Variants in IL1R1 observed in about 807,000 individuals in gnomAD.
IL1R1 encodes interleukin 1 receptor type 1, also known as interleukin-1 receptor type 1.
Under a neutral mutation model 50.2 loss-of-function variants are expected in IL1R1, and 22 were observed. The observed-to-expected ratio is 0.44, with a 90% confidence interval of 0.31 to 0.63. IL1R1 has a LOEUF of 0.63. Ranked by LOEUF, IL1R1 falls within the 20% of genes least tolerant of loss-of-function variation. The pLI is 0.07. For missense variants in IL1R1, 509 were observed against 676.2 expected (o/e 0.75, Z 2.74); for synonymous variants, 251 against 236.7 (o/e 1.06, Z -0.55).
chr2:102,123,022 A>G (rs1051334844), intron 1 of IL1R1, among the ~76,000 whole-genome samples: 3 of 152,220 alleles, frequency 2.0e-5, no homozygotes, highest in African/African-American at 7.2e-5. Flanking sequence ...AAATTGGTTT[A>G]CTTTAGTAAG....
At position 102,120,557 on chromosome 2, in the gene IL1R1, G is replaced by T. The variant is rs568669179; in HGVS notation, c.-84+15685G>T. 7.2e-5 allele frequency among the ~76,000 whole-genome samples: 11 copies of T among 152,308 alleles called. No homozygotes were observed. The South Asian group carries it at 2.3e-3, about 32-fold the overall frequency. On this transcript the variant is annotated intron_variant, in intron 1 of 10. Transcript: ENST00000409329. The stretch of plus-strand genomic sequence containing the variant: ...TCCTTAGGCACAGGGTCTGCGTTGT[G>T]TTCATTTTTCTGTCCTTCAGTGTCA...
At chr2:102,100,821 G>A (rs977612474), upstream of IL1R1, among the ~76,000 whole-genome samples, 7 of 152,100 alleles carry the variant, frequency 4.6e-5, no homozygotes, top group Non-Finnish European at 8.8e-5. Flanking sequence ...CATTCTCCCC[G>A]GAGGTTTGAT....
chr2:102,073,577 A>G (rs1314776455), intron 1 of IL1R1, among the ~76,000 whole-genome samples: 1 of 152,184 alleles, frequency 6.6e-6, no homozygotes, highest in Non-Finnish European at 1.5e-5. Context: ...TGCCTCTTCC[A>G]CTGCCTTAGT....
intron 1 of IL1R1, among the ~76,000 whole-genome samples, chr2:102,087,993 T>C (rs891788250): frequency 1.3e-5 from 2 of 152,198 alleles, no homozygotes; most frequent in African/African-American, 4.8e-5. Context: ...ACCTTCAGGC[T>C]CCACTTTTAA....
intron 1 of IL1R1, among the ~76,000 whole-genome samples, chr2:102,147,799 G>A (rs1047757530): frequency 2.6e-5 from 4 of 152,074 alleles, no homozygotes; most frequent in Admixed American, 6.5e-5. Context: ...GTGGCTTTTC[G>A]CCTTGTATTA....
intron 3 of IL1R1, among the ~76,000 whole-genome samples, chr2:102,159,868 G>A (rs952237603): frequency 2.0e-5 from 3 of 152,170 alleles, no homozygotes; most frequent in African/African-American, 7.2e-5. Flanking sequence ...GGAAGAGTAG[G>A]ATGGAAGTCA....
chr2:102,110,874 A>C (rs1486886744), intron 1 of IL1R1, among the ~76,000 whole-genome samples: 5 of 152,066 alleles, frequency 3.3e-5, no homozygotes, highest in Non-Finnish European at 5.9e-5. Flanking sequence ...CTGTGAAAGA[A>C]ACACAGAGAC....
rs139785936 is a variant in IL1R1 at position 102,146,749 on chromosome 2, C to T, written c.-84+3729C>T. On this transcript the variant is annotated intron_variant, in intron 1 of 11. Coordinates refer to ENST00000410023, the MANE Select transcript of IL1R1 (RefSeq NM_000877.4). ...GCTTCAAACATTGTAAATATGTTTC[C>T]GTCAGTATGAACGTCTGTGAGACCT... 2.1e-3 allele frequency among the ~76,000 whole-genome samples: 316 copies of T among 152,248 alleles called. 1 individual carries two copies. The highest frequency in any genetic ancestry group is 2.4e-3 in the Non-Finnish European group (163 of 68,024).
intron 3 of IL1R1, among the ~76,000 whole-genome samples, chr2:102,159,512 C>T (rs1275611252): frequency 6.6e-6 from 1 of 152,234 alleles, no homozygotes; most frequent in Admixed American, 6.5e-5. Flanking sequence ...CATACATGCC[C>T]ACCCTTCTGG....
intron 1 of IL1R1, among the ~76,000 whole-genome samples, chr2:102,121,823 G>A (rs1286570541): frequency 2.0e-5 from 3 of 152,226 alleles, no homozygotes; most frequent in African/African-American, 4.8e-5. Flanking sequence ...ACATATTACA[G>A]CTAACGATAT....
In IL1R1 at chr2:102,111,367, G is replaced by A. The variant is rs1295226248; in HGVS notation, c.-84+6495G>A. On this transcript the variant is annotated intron_variant, in intron 1 of 10. Coordinates refer to the IL1R1 transcript ENST00000409329. The stretch of plus-strand genomic sequence containing the variant: ...ACATAGGGCTGGCGACCAGAACACT[G>A]TATCTCTTGGCCAACCTTGTCCTCC... Among the ~76,000 whole-genome samples, 8 of 152,212 alleles carry A rather than the reference G, an allele frequency of 5.3e-5. No homozygotes were observed. In the East Asian group the frequency reaches 1.5e-3, roughly 29 times the overall value.
At chr2:102,157,646 A>G (rs774610141) in intron 2 of IL1R1, 73 bp from the exon 3 acceptor site, 36 of 936,478 alleles carry the variant, frequency 3.8e-5, no homozygotes, top group Non-Finnish European at 6.1e-5. Context: ...GTGTTGGTAT[A>G]TTTAGTTTTA....
chr2:102,109,527 T>C (rs4850998), intron 1 of IL1R1, among the ~76,000 whole-genome samples: 129,236 of 152,080 alleles, frequency 0.85, 55,201 homozygotes, highest in East Asian at 0.96. Flanking sequence ...TGCTGATGTA[T>C]TTGGTTCTTC....
rs199776655 is a variant in IL1R1 at position 102,176,896 on chromosome 2, G to A, written c.*137G>A. ...TTATCCCTGAGGTCACCTGGAATCA[G>A]ATTATTAAGGGAATAAGCCATGACG... On this transcript the variant is annotated 3_prime_UTR_variant, in exon 12 of 12. Transcript: ENST00000410023. The A allele has an allele frequency of 1.2e-6, 1 of 819,428 alleles. No individual in the cohort carries two copies. Among genetic ancestry groups the A allele is most frequent in the South Asian group, 1.8e-5 (1 of 56,484 alleles). The allele number at this position is 819,428 out of a possible 1,614,324, so 50.8% of individuals were successfully genotyped here.
rs1679518414 is a variant in IL1R1 at position 102,088,421 on chromosome 2, T to C, written c.-84+17888T>C. Among the ~76,000 whole-genome samples, 3 of 143,432 alleles carry C rather than the reference T, an allele frequency of 2.1e-5. No individual in the cohort carries two copies. In the East Asian group the frequency reaches 5.9e-4, roughly 28 times the overall value. 94.1% of individuals were successfully genotyped at this position (143,432 alleles called of 152,430 possible). ...GAACAGTGATATTTTTACAGGAATC[T>C]TTTTTTTTTTCCCCTGAGAACTAGC... On this transcript the variant is annotated intron_variant, in intron 1 of 11. Transcript: ENST00000409929.
intron 3 of IL1R1, among the ~76,000 whole-genome samples, chr2:102,163,241 CT>C (rs1684883698): frequency 6.6e-6 from 1 of 152,082 alleles, no homozygotes; most frequent in Admixed American, 6.6e-5. Context: ...GTTTCTTTTG[CT>C]TGGGGTTCAT....
At chr2:102,167,950 A>AG (rs1163666481) in intron 6 of IL1R1, among the ~76,000 whole-genome samples, 1 of 152,174 alleles carries the variant, frequency 6.6e-6, no homozygotes, top group Non-Finnish European at 1.5e-5. Context: ...GGTATACATT[A>AG]GGGAAAAAAA....
chr2:102,072,033 G>A (rs954003534), intron 1 of IL1R1, among the ~76,000 whole-genome samples: 1 of 152,052 alleles, frequency 6.6e-6, no homozygotes, highest in Admixed American at 6.6e-5. Flanking sequence ...GAAGTGGGGG[G>A]AATCAGCTGA....
At chr2:102,137,447 CACTGCCATGGCTGGAATGTACTTTGGCTG>C (rs1682409066) in intron 1 of IL1R1, among the ~76,000 whole-genome samples, 1 of 152,172 alleles carries the variant, frequency 6.6e-6, no homozygotes, top group South Asian at 2.1e-4. Flanking sequence ...CAAGATGGTG[CACTGCCATGGCTGGAATGTACTTTGGCTG>C]ACAGCTGGGG....
Sources: gnomAD v4.1 joint callset for allele counts (sites outside exome capture counted in the v4.1 genomes callset) on GRCh38, gnomAD v4.1.1 for gene constraint, MANE v1.5 for transcripts, NCBI Gene and HGNC (gene_info 2026-07-23, HGNC 2026-07-21) for gene names.